The following FXYD6 variants were observed in gnomAD, a reference collection of about 807,000 sequenced individuals.
FXYD6 encodes the protein FXYD domain containing ion transport regulator 6.
Under a neutral mutation model 16.7 loss-of-function variants are expected in FXYD6, and 7 were observed. The ratio of observed to expected loss-of-function variants is 0.42; its 90% CI spans 0.24 to 0.79. FXYD6 has a LOEUF of 0.79. FXYD6 is among the 30% of genes least tolerant of loss of function. The pLI, the probability that FXYD6 is intolerant of heterozygous loss-of-function variation, is 0.28. For synonymous variants in FXYD6, 49 were observed against 43.0 expected, an observed-to-expected ratio of 1.14 and a Z score of -0.54; for missense variants, 111 against 116.2, an observed-to-expected ratio of 0.95 and a Z score of 0.21.
chr11:117,854,753 G>A (rs2134167127), intron 1 of FXYD6, among the ~76,000 whole-genome samples: 1 of 152,344 alleles, frequency 6.6e-6, no homozygotes, highest in Non-Finnish European at 1.5e-5. Context: ...CTTAAGAGCA[G>A]GGTAGGATTT....
chr11:117,849,856 AGTT>A (rs945994798), intron 1 of FXYD6, among the ~76,000 whole-genome samples: 2 of 152,098 alleles, frequency 1.3e-5, no homozygotes, highest in African/African-American at 4.8e-5. Flanking sequence ...TGGTTACTTC[AGTT>A]GTTTTTCAGG....
At chr11:117,873,639 G>A (rs371405941) in intron 1 of FXYD6, among the ~76,000 whole-genome samples, 17 of 152,304 alleles carry the variant, frequency 1.1e-4, no homozygotes, top group Non-Finnish European at 1.9e-4. Context: ...TGATTTGTTC[G>A]AAGGTGAATA....
chr11:117,839,905 T>A (rs2056299393), intron 6 of FXYD6, 75 bp from the exon 7 acceptor site: 1 of 1,589,114 alleles, frequency 6.3e-7, no homozygotes. Context: ...AGCAGCCGTG[T>A]CTCTGCCTGA....
intron 1 of FXYD6, among the ~76,000 whole-genome samples, chr11:117,866,922 T>C (rs12282691): frequency 0.024 from 3,649 of 152,020 alleles, 130 homozygotes; most frequent in African/African-American, 0.082. Flanking sequence ...GGGTGTAGAA[T>C]CGAAATAAAG....
chr11:117,871,295 G>A (rs937788436), intron 1 of FXYD6, among the ~76,000 whole-genome samples: 1 of 152,130 alleles, frequency 6.6e-6, no homozygotes, highest in African/African-American at 2.4e-5. Flanking sequence ...GGAGACAGCC[G>A]GGAAGGGCGA....
chr11:117,857,685 G>C (rs961136856), intron 1 of FXYD6, among the ~76,000 whole-genome samples: 1 of 152,232 alleles, frequency 6.6e-6, no homozygotes, highest in South Asian at 2.1e-4. Flanking sequence ...GGAATTACAG[G>C]CATGAGCCAC....
intron 1 of FXYD6, chr11:117,843,865 G>A (rs557177663): frequency 2.0e-5 from 3 of 152,514 alleles, no homozygotes; most frequent in Non-Finnish European, 4.4e-5. Context: ...GGCTATCCTG[G>A]TGGAAGCAGG....
rs562887201 is a variant in FXYD6, at chr11:117,837,665, T to C, written c.*634A>G. On this transcript the variant is annotated 3_prime_UTR_variant, in exon 8 of 8. Transcript: ENST00000526014. This position sits in a 1 kb window ranked among gnomAD's most constrained non-coding sequence, Gnocchi z 4.4. ...AACGCTGGGCTCACCAGCTCCTTGCTTTGTATCTCCAGTTGCTAAGAGACC... is the reference window on the plus strand; with the variant it reads ...AACGCTGGGCTCACCAGCTCCTTGCCTTGTATCTCCAGTTGCTAAGAGACC... The C allele has an allele frequency of 6.4e-6, 1 of 155,738 alleles. No individual in the cohort carries two copies. Among genetic ancestry groups the C allele is most frequent in the East Asian group, 1.9e-4 (1 of 5,352 alleles). The allele number at this position is 155,738 out of a possible 1,614,324, so 9.6% of individuals were successfully genotyped here.
chr11:117,839,827 G>A lies in FXYD6; in HGVS notation c.263C>T (p.Thr88Ile), dbSNP rs2056296039. 1.2e-6 allele frequency: 2 copies of A among 1,614,080 alleles called. No homozygotes were observed. The highest frequency in any genetic ancestry group is 2.2e-5 in the South Asian group (2 of 91,086). Residue 88 changes from threonine (T) to isoleucine (I), a missense_variant, in exon 7 of 8, where the codon ACA (threonine) becomes ATA (isoleucine). Coordinates refer to ENST00000526014, the MANE Select transcript of FXYD6 (RefSeq NM_022003.4). Reference protein sequence around the residue: ...QVENLITANATEPQKAEN With the variant: ...QVENLITANAIEPQKAEN ...TCAGTTCTCTGCTTTCTGGGGCTCT[G>A]TTGCTGGAAAGAAAACCAGAATGGA...
chr11:117,841,435 T>A (rs1194155015), intron 4 of FXYD6: 1 of 594,176 alleles, frequency 1.7e-6, no homozygotes, highest in East Asian at 2.8e-5. Flanking sequence ...TCTGTGCAGA[T>A]CAGGCTCATG....
chr11:117,848,458 T>C, intron 1 of FXYD6, among the ~76,000 whole-genome samples: 1 of 152,300 alleles, frequency 6.6e-6, no homozygotes, highest in East Asian at 1.9e-4. Flanking sequence ...TTTAGGATTT[T>C]TGCATCTATG....
Position 117,858,701 on chromosome 11 carries a change from T to TTCTTTCTTTCTCTC in FXYD6, c.-5-15921_-5-15920insGAGAGAAAGAAAGA, listed in dbSNP as rs781138003. ...TTTCTTTCTTTCTTTCTTTCTTTCTTTCTCTCTCTCTCTCCTTCCTTCCCT... is the reference window on the plus strand; with the variant it reads ...TTTCTTTCTTTCTTTCTTTCTTTCTTTCTTTCTTTCTCTCTCTCTCTCTCTCTCCTTCCTTCCCT... On this transcript the variant is annotated intron_variant, in intron 1 of 7. Coordinates refer to ENST00000526014, the MANE Select transcript of FXYD6 (RefSeq NM_022003.4). Among the ~76,000 whole-genome samples, 4 of 58,344 alleles carry TTCTTTCTTTCTCTC rather than the reference T, an allele frequency of 6.9e-5. No individual in the cohort carries two copies. The East Asian group carries it at 1.4e-3, about 20-fold the overall frequency. 38.3% of individuals were successfully genotyped at this position (58,344 alleles called of 152,430 possible).
At chr11:117,857,155 G>C (rs1249422620) in intron 1 of FXYD6, among the ~76,000 whole-genome samples, 1 of 152,168 alleles carries the variant, frequency 6.6e-6, no homozygotes, top group African/African-American at 2.4e-5. Flanking sequence ...GACAGTGCTG[G>C]CTTCAGGGAA....
intron 1 of FXYD6, among the ~76,000 whole-genome samples, chr11:117,873,650 T>C (rs958738039): frequency 3.3e-5 from 5 of 152,276 alleles, no homozygotes; most frequent in East Asian, 3.9e-4. Flanking sequence ...AAGGTGAATA[T>C]TGGGGGGCTG....
chr11:117,860,273 A>AC (rs2056874213), intron 1 of FXYD6, among the ~76,000 whole-genome samples: 1 of 152,122 alleles, frequency 6.6e-6, no homozygotes, highest in Non-Finnish European at 1.5e-5. Flanking sequence ...ATGAGGGGCC[A>AC]CCTGCACTGT....
intron 7 of FXYD6, chr11:117,839,226 G>A (rs2056277813): frequency 1.3e-5 from 2 of 152,910 alleles, no homozygotes; most frequent in Non-Finnish European, 2.9e-5. Context: ...TGTGTGTGGT[G>A]GCACTCTGAA....
At chr11:117,867,165 C>T (rs897922079) in intron 1 of FXYD6, among the ~76,000 whole-genome samples, 7 of 152,174 alleles carry the variant, frequency 4.6e-5, no homozygotes, top group Non-Finnish European at 1.0e-4. Context: ...ATTTTGGAAA[C>T]AATGGCACCC....
At position 117,841,182 on chromosome 11, in the gene FXYD6, G is replaced by A. The variant is rs750406730; in HGVS notation, c.175C>T (p.Arg59Cys). ...FSVGILLILS[R>C]RCKCSFNQKP... ...TGATTGAAACTGCACTTGCACCTGC[G>A]ACCTGAAAAGCAAAGAAACCATCCA... Residue 59 changes from arginine (R) to cysteine (C), a missense_variant and splice_region_variant, in exon 5 of 8, where the codon CGC becomes TGC. Arg to Cys is a radical substitution (Grantham distance 180). Transcript: ENST00000526014. 3.1e-6 allele frequency: 5 copies of A among 1,613,882 alleles called. No individual in the cohort carries two copies. The highest frequency in any genetic ancestry group is 4.2e-6 in the Non-Finnish European group (5 of 1,180,012).
intron 1 of FXYD6, among the ~76,000 whole-genome samples, chr11:117,874,175 G>T (rs977245376): frequency 2.6e-5 from 4 of 152,156 alleles, no homozygotes; most frequent in African/African-American, 9.7e-5. Context: ...CGATGTCAGG[G>T]ATTGTGTCTC....
Sources: allele counts gnomAD v4.1 joint callset (sites outside exome capture counted in the v4.1 genomes callset), GRCh38; gene constraint gnomAD v4.1.1; non-coding constraint Gnocchi (gnomAD v3.1); transcripts MANE v1.5; gene names NCBI Gene and HGNC (gene_info 2026-07-23, HGNC 2026-07-21).